The following PRKAG2 variants were observed in gnomAD, a reference collection of about 807,000 sequenced individuals.
PRKAG2 encodes 5'-AMP-activated protein kinase subunit gamma-2.
Under a neutral mutation model 69.6 loss-of-function variants are expected in PRKAG2, and 26 were observed. The ratio of observed to expected loss-of-function variants is 0.37; its 90% confidence interval spans 0.27 to 0.52. PRKAG2 has a LOEUF of 0.52. PRKAG2 is among the 20% of genes least tolerant of loss of function. The probability of loss-of-function intolerance (pLI) is 0.90; values close to 1 mark genes in which losing one functional copy is unlikely to be tolerated. For synonymous variants in PRKAG2, 293 were observed against 285.0 expected (o/e 1.03, Z -0.28); for missense variants, 557 against 740.0 (o/e 0.75, Z 2.87).
chr7:151,869,539 G>A (rs1292201634), intron 1 of PRKAG2, among the ~76,000 whole-genome samples: 1 of 152,258 alleles, frequency 6.6e-6, no homozygotes, highest in African/African-American at 2.4e-5. Context: ...CACTGAGCAT[G>A]TGACTCTGCA....
chr7:151,588,340 T>C (rs1028397728), intron 6 of PRKAG2, among the ~76,000 whole-genome samples: 1 of 151,686 alleles, frequency 6.6e-6, no homozygotes, highest in Non-Finnish European at 1.5e-5. Flanking sequence ...GTTCTCATGA[T>C]AGTGAATAAG....
intron 5 of PRKAG2, 118 bp downstream of exon 5, chr7:151,631,951 A>C (rs887216519): frequency 1.5e-5 from 15 of 1,011,384 alleles, no homozygotes; most frequent in Middle Eastern, 4.0e-4. Context: ...GGGCTTCCGC[A>C]GGACGCAGCT....
At chr7:151,570,571 G>A (rs978260367) in intron 9 of PRKAG2, among the ~76,000 whole-genome samples, 16 of 152,138 alleles carry the variant, frequency 1.1e-4, no homozygotes, top group African/African-American at 2.9e-4. Context: ...CTCAAGAAAT[G>A]AAGCAATTAT....
rs1475695255 is a variant in PRKAG2, at chr7:151,771,214, GCTTTTCC to G, written c.466+9931_466+9937del. Among the ~76,000 whole-genome samples the G allele has an allele frequency of 6.6e-6, 1 of 152,132 alleles. No homozygotes were observed. The highest frequency in any genetic ancestry group is 6.5e-5 in the Admixed American group (1 of 15,276). ...TCATTCCAGCTATGTTATTCTTTATGCTTTTCCCTTAGCTAAAATTTCGATTTCCGCT... is the reference window on the plus strand; with the variant it reads ...TCATTCCAGCTATGTTATTCTTTATGCTTAGCTAAAATTTCGATTTCCGCT... On this transcript the variant is annotated intron_variant, in intron 3 of 15. Coordinates refer to ENST00000287878, the MANE Select transcript of PRKAG2 (RefSeq NM_016203.4). The surrounding 1 kb of genome is among the most constrained non-coding windows in gnomAD (Gnocchi z 4.0).
intron 4 of PRKAG2, among the ~76,000 whole-genome samples, chr7:151,642,051 AG>A (rs1826805859): frequency 6.9e-6 from 1 of 144,504 alleles, no homozygotes; most frequent in African/African-American, 2.5e-5. Context: ...AAAAAAAAAA[AG>A]GGGCCAGGCG....
intron 4 of PRKAG2, among the ~76,000 whole-genome samples, chr7:151,637,764 C>A (rs1407853473): frequency 1.4e-5 from 2 of 147,604 alleles, no homozygotes; most frequent in Admixed American, 6.8e-5. Flanking sequence ...AGGGCTTTTA[C>A]AGTTTAGGTA....
chr7:151,774,898 CTA>C (rs969697364), intron 3 of PRKAG2, among the ~76,000 whole-genome samples: 2 of 152,210 alleles, frequency 1.3e-5, no homozygotes, highest in Non-Finnish European at 2.9e-5. Context: ...ACTTTAGATT[CTA>C]TGTTTGTCAT....
At chr7:151,624,798 C>A (rs1293852615) in intron 5 of PRKAG2, among the ~76,000 whole-genome samples, 1 of 152,180 alleles carries the variant, frequency 6.6e-6, no homozygotes, top group African/African-American at 2.4e-5. Context: ...GTTGCTCCGC[C>A]CTCACTGCTC....
At chr7:151,666,839 C>A (rs1438630046) in intron 4 of PRKAG2, among the ~76,000 whole-genome samples, 1 of 152,050 alleles carries the variant, frequency 6.6e-6, no homozygotes, top group African/African-American at 2.4e-5. Context: ...ATAGGACAGC[C>A]CTTATTTTCT....
At chr7:151,610,358 GTCT>G (rs1402776559) in intron 5 of PRKAG2, among the ~76,000 whole-genome samples, 1 of 151,848 alleles carries the variant, frequency 6.6e-6, no homozygotes. Context: ...GACAGAGCGA[GTCT>G]TCATTTCAAA....
intron 1 of PRKAG2, among the ~76,000 whole-genome samples, chr7:151,817,898 C>A (rs1426021270): frequency 6.6e-6 from 1 of 152,172 alleles, no homozygotes; most frequent in African/African-American, 2.4e-5. Context: ...TCCCTTTATT[C>A]ATTTTTGTTT....
rs1211788442 is a variant in PRKAG2 at position 151,632,280 on chromosome 7, G to T, written c.685-142C>A. On this transcript the variant is annotated intron_variant, in intron 4 of 15. Coordinates refer to ENST00000287878, the MANE Select transcript of PRKAG2 (RefSeq NM_016203.4). The surrounding 1 kb of genome is among the most constrained non-coding windows in gnomAD (Gnocchi z 4.2). ...GCCTGGCAGGGGACGCGGGCAGCGG[G>T]GGCCGGGGGCGGAGCGGGAGCGCTG... 1.7e-5 allele frequency: 17 copies of T among 994,916 alleles called. No homozygotes were observed. The highest frequency in any genetic ancestry group is 2.0e-5 in the Non-Finnish European group (17 of 833,980). 61.6% of individuals were successfully genotyped at this position (994,916 alleles called of 1,614,324 possible). A position where few individuals can be genotyped will look rare whatever the true frequency, so the allele number is the denominator to read the frequency against.
chr7:151,715,322 CAAAA>C (rs34971340), intron 3 of PRKAG2, among the ~76,000 whole-genome samples: 18,910 of 62,236 alleles, frequency 0.3, 1,799 homozygotes, highest in South Asian at 0.51. Flanking sequence ...GGCCTAAAAG[CAAAA>C]AAAAAAAAAA....
intron 1 of PRKAG2, among the ~76,000 whole-genome samples, chr7:151,867,221 C>T (rs577063567): frequency 3.5e-4 from 53 of 152,274 alleles, no homozygotes; most frequent in Admixed American, 9.2e-4. Flanking sequence ...GCTGTGGCTG[C>T]GCTGTGCTTT....
chr7:151,711,533 C>T (rs1307890720), intron 3 of PRKAG2, among the ~76,000 whole-genome samples: 2 of 152,184 alleles, frequency 1.3e-5, no homozygotes, highest in Non-Finnish European at 2.9e-5. Context: ...TTAGTGTATG[C>T]ACTTCAGAAA....
intron 3 of PRKAG2, among the ~76,000 whole-genome samples, chr7:151,718,647 C>CA (rs1360424496): frequency 3.2e-5 from 4 of 123,274 alleles, no homozygotes; most frequent in Admixed American, 7.7e-5. Context: ...ACAAAACAAA[C>CA]AAAAAAACCC....
Position 151,748,705 on chromosome 7 carries a change from G to A in PRKAG2, c.466+32447C>T, listed in dbSNP as rs115253858. On this transcript the variant is annotated intron_variant, in intron 3 of 15. Coordinates refer to ENST00000287878, the MANE Select transcript of PRKAG2 (RefSeq NM_016203.4). Reference sequence around the variant, plus strand: ...AAAAAAATCTGGTAAATGGTGATAAGTATCTATAGCAGACAAAAATCAGCA... The same window carrying A: ...AAAAAAATCTGGTAAATGGTGATAAATATCTATAGCAGACAAAAATCAGCA... 5.3e-3 allele frequency among the ~76,000 whole-genome samples: 809 copies of A among 152,238 alleles called. 7 individuals carry two copies. Among genetic ancestry groups the A allele is most frequent in the African/African-American group, 0.019 (777 of 41,548 alleles).
chr7:151,760,876 C>T (rs537422660), intron 3 of PRKAG2, among the ~76,000 whole-genome samples: 2 of 152,302 alleles, frequency 1.3e-5, no homozygotes, highest in African/African-American at 4.8e-5. Context: ...CGCACCTTGT[C>T]CATAGCTCCC....
intron 1 of PRKAG2, among the ~76,000 whole-genome samples, chr7:151,813,814 G>A (rs543882007): frequency 5.3e-4 from 81 of 152,238 alleles, no homozygotes; most frequent in African/African-American, 1.7e-3. Context: ...GCAAGTAAGC[G>A]TTGGGCTCCA....
Sources: gnomAD v4.1 joint callset for allele counts (sites outside exome capture counted in the v4.1 genomes callset) on GRCh38, gnomAD v4.1.1 for gene constraint, Gnocchi (gnomAD v3.1) non-coding constraint, MANE v1.5 for transcripts, NCBI Gene and HGNC (gene_info 2026-07-23, HGNC 2026-07-21) for gene names.